The following DNM2 variants were observed in gnomAD, a reference collection of about 807,000 sequenced individuals.
The protein encoded by DNM2 is dynamin 2.
Under a neutral mutation model 99.0 loss-of-function variants are expected in DNM2, and 15 were observed. The observed-to-expected ratio is 0.15, with a 90% CI of 0.10 to 0.23. The LOEUF (loss-of-function observed/expected upper bound fraction) is 0.23, where lower values mean the gene tolerates loss of function less well. Ranked by LOEUF, DNM2 falls within the 10% of genes least tolerant of loss-of-function variation. The pLI is 1.00. For missense variants in DNM2, 742 were observed against 1,189.4 expected (o/e 0.62, Z 5.53); for synonymous variants, 525 against 481.2 (o/e 1.09, Z -1.19).
At chr19:10,763,927 GC>G (rs1400524567) in intron 2 of DNM2, among the ~76,000 whole-genome samples, 1 of 152,134 alleles carries the variant, frequency 6.6e-6, no homozygotes, top group Admixed American at 6.5e-5. Flanking sequence ...TGGGGGCCTG[GC>G]CCTGGTGGTG....
intron 7 of DNM2, 178 bp downstream of exon 7, chr19:10,786,884 G>A (rs2071578391): frequency 7.4e-7 from 1 of 1,353,088 alleles, no homozygotes; most frequent in Non-Finnish European, 1.0e-6. Context: ...CCAGTGGAGG[G>A]GACAGGTGTC....
intron 11 of DNM2, among the ~76,000 whole-genome samples, chr19:10,799,930 C>G (rs2072077262): frequency 6.6e-6 from 1 of 152,172 alleles, no homozygotes; most frequent in Non-Finnish European, 1.5e-5. Flanking sequence ...CTGTCACCCA[C>G]GAAGCACTGG....
intron 13 of DNM2, among the ~76,000 whole-genome samples, chr19:10,806,630 A>G (rs887786132): frequency 1.3e-5 from 2 of 152,012 alleles, no homozygotes; most frequent in African/African-American, 4.8e-5. Flanking sequence ...CATCTCTACT[A>G]AAAATACAAA....
At chr19:10,808,546 A>C in intron 13 of DNM2, 23 bp from the exon 14 acceptor site, 1 of 1,610,952 alleles carries the variant, frequency 6.2e-7, no homozygotes, top group Non-Finnish European at 8.5e-7. Context: ...TTTACCCACA[A>C]CCCTAACTTT....
At chr19:10,721,079 A>G (rs532744201) in intron 1 of DNM2, among the ~76,000 whole-genome samples, 2 of 151,888 alleles carry the variant, frequency 1.3e-5, no homozygotes, top group East Asian at 3.9e-4. Context: ...CCTGTCTACC[A>G]TGGTGTCTGG....
chr19:10,747,833 G>A (rs1434505658), intron 1 of DNM2, among the ~76,000 whole-genome samples: 1 of 152,112 alleles, frequency 6.6e-6, no homozygotes, highest in African/African-American at 2.4e-5. Flanking sequence ...TGAGCGGGTT[G>A]ATGTGTGAAA....
At chr19:10,797,356 C>T (rs2071973203) in intron 9 of DNM2, 24 bp from the exon 10 acceptor site, 12 of 1,611,024 alleles carry the variant, frequency 7.4e-6, no homozygotes, top group South Asian at 2.2e-5. Flanking sequence ...CTTTCTGCCT[C>T]ATCCTGCCCT....
chr19:10,789,601 A>C (rs1431581937), intron 7 of DNM2, among the ~76,000 whole-genome samples: 2 of 152,072 alleles, frequency 1.3e-5, no homozygotes, highest in African/African-American at 4.8e-5. Context: ...GAGAGGCTTC[A>C]GTGGATGGAT....
intron 1 of DNM2, among the ~76,000 whole-genome samples, chr19:10,751,773 G>A (rs934546101): frequency 5.3e-5 from 8 of 152,240 alleles, no homozygotes; most frequent in Admixed American, 1.3e-4. Context: ...CTGCGTCTCC[G>A]TCGCCCAGGC....
chr19:10,831,896 T>C lies in DNM2; in HGVS notation c.*849T>C, dbSNP rs2073355847. On this transcript the variant is annotated 3_prime_UTR_variant, in exon 21 of 21. Transcript: ENST00000389253. The surrounding 1 kb of genome is among the most constrained non-coding windows in gnomAD (Gnocchi z 4.3). ...ATAAACTAAAATAAAGGGAAGACGC[T>C]GCTGGTGGCTGCTGTGTGGGCCTCT... The C allele has an allele frequency of 2.9e-6, 3 of 1,031,860 alleles. No individual in the cohort carries two copies. Among genetic ancestry groups the C allele is most frequent in the South Asian group, 3.5e-5 (1 of 28,804 alleles). The allele number at this position is 1,031,860 out of a possible 1,614,324, so 63.9% of individuals were successfully genotyped here. A position where few individuals can be genotyped will look rare whatever the true frequency, so the allele number is the denominator to read the frequency against.
chr19:10,819,782 C>T (rs1460993324), intron 15 of DNM2, among the ~76,000 whole-genome samples, 198 bp from the exon 16 acceptor site: 2 of 152,132 alleles, frequency 1.3e-5, no homozygotes, highest in Non-Finnish European at 2.9e-5. Flanking sequence ...GTGGGATACT[C>T]AGGGAGCATC....
intron 1 of DNM2, among the ~76,000 whole-genome samples, chr19:10,751,069 T>C (rs2070175694): frequency 6.6e-6 from 1 of 151,382 alleles, no homozygotes; most frequent in Non-Finnish European, 1.5e-5. Flanking sequence ...CAGAACAAAA[T>C]GCAGCTAAGT....
At chr19:10,789,635 C>A (rs977512101) in intron 7 of DNM2, among the ~76,000 whole-genome samples, 4 of 151,936 alleles carry the variant, frequency 2.6e-5, no homozygotes, top group Admixed American at 1.3e-4. Flanking sequence ...GAGTTCAAGA[C>A]CACCTTCACC....
At position 10,775,749 on chromosome 19, in the gene DNM2, T is replaced by G; in HGVS notation, c.432T>G (p.Pro144=). 1 of 1,614,122 alleles carries G rather than the reference T, an allele frequency of 6.2e-7. No homozygotes were observed. Among genetic ancestry groups the G allele is most frequent in the Non-Finnish European group, 8.5e-7 (1 of 1,180,022 alleles). Residue 144 remains proline, a synonymous_variant, in exon 4 of 21, where the codon CCT becomes CCG. Transcript: ENST00000389253. The surrounding 1 kb of genome is among the most constrained non-coding windows in gnomAD (Gnocchi z 4.3). ...ACCTCCCGGGTATCACCAAGGTGCCTGTGGGCGACCAGCCTCCAGACATCG... is the reference window on the plus strand; with the variant it reads ...ACCTCCCGGGTATCACCAAGGTGCCGGTGGGCGACCAGCCTCCAGACATCG... The part of the protein sequence containing the change: ...LIDLPGITKV[P]VGDQPPDIEY...
intron 1 of DNM2, among the ~76,000 whole-genome samples, chr19:10,740,930 G>C (rs1471613877): frequency 6.6e-6 from 1 of 152,082 alleles, no homozygotes; most frequent in Non-Finnish European, 1.5e-5. Context: ...GTGGTTGGAG[G>C]AACTACTTTG....
intron 2 of DNM2, among the ~76,000 whole-genome samples, chr19:10,761,692 A>G (rs532836106): frequency 8.5e-5 from 13 of 152,260 alleles, no homozygotes; most frequent in Admixed American, 2.0e-4. Context: ...TGCCTTTCCA[A>G]TGGGCCCCAG....
Position 10,764,121 on chromosome 19 carries a change from G to A in DNM2, c.235+4310G>A, listed in dbSNP as rs1467276331. Among the ~76,000 whole-genome samples the A allele has an allele frequency of 2.0e-5, 3 of 152,174 alleles. No individual in the cohort carries two copies. Among genetic ancestry groups the A allele is most frequent in the South Asian group, 4.1e-4 (2 of 4,838 alleles). On this transcript the variant is annotated intron_variant, in intron 2 of 20. Coordinates refer to ENST00000389253, the MANE Select transcript of DNM2 (RefSeq NM_001005361.3). The surrounding 1 kb of genome is among the most constrained non-coding windows in gnomAD (Gnocchi z 4.1). Reference sequence around the variant, plus strand: ...CCTTGTGGGGTATACACCAGACCACGTGGCTCCTAGGGATTGGCAGCTGGC... The same window carrying A: ...CCTTGTGGGGTATACACCAGACCACATGGCTCCTAGGGATTGGCAGCTGGC...
At chr19:10,767,147 G>A (rs1035755312) in intron 2 of DNM2, among the ~76,000 whole-genome samples, 1 of 151,804 alleles carries the variant, frequency 6.6e-6, no homozygotes, top group African/African-American at 2.4e-5. Flanking sequence ...CTCGGCTGCT[G>A]CTGCTGTGGA....
intron 7 of DNM2, among the ~76,000 whole-genome samples, chr19:10,788,777 A>G (rs1389707434): frequency 6.6e-6 from 1 of 152,182 alleles, no homozygotes; most frequent in Non-Finnish European, 1.5e-5. Context: ...AGGCACTGGA[A>G]CAGCTGGACC....
Sources: allele counts gnomAD v4.1 joint callset (sites outside exome capture counted in the v4.1 genomes callset), GRCh38; gene constraint gnomAD v4.1.1; non-coding constraint Gnocchi (gnomAD v3.1); transcripts MANE v1.5; gene names NCBI Gene and HGNC (gene_info 2026-07-23, HGNC 2026-07-21).